The following MYT1 variants were observed in gnomAD, a reference collection of about 807,000 sequenced individuals.
The protein encoded by MYT1 is myelin transcription factor 1, also known as myelin transcription factor I.
A neutral mutation model predicts 123.0 loss-of-function variants in MYT1; 23 were observed. That is an observed-to-expected ratio of 0.19 (90% confidence interval 0.13 to 0.26). The LOEUF (loss-of-function observed/expected upper bound fraction) is 0.26. Ranked by LOEUF, MYT1 falls within the 10% of genes least tolerant of loss-of-function variation. The pLI is 1.00. For synonymous variants in MYT1, 518 were observed against 575.3 expected (o/e 0.90, Z 1.43); for missense variants, 1,125 against 1,472.5 (o/e 0.76, Z 3.86).
chr20:64,212,296 G>A lies in MYT1; in HGVS notation c.1517+158G>A, dbSNP rs1983702835. Among the ~76,000 whole-genome samples the A allele has an allele frequency of 6.6e-6, 1 of 151,978 alleles. No individual in the cohort carries two copies. Among genetic ancestry groups the A allele is most frequent in the African/African-American group, 2.4e-5 (1 of 41,364 alleles). ...ACGTGGGGTAGGGCACCTGGGTTGG[G>A]CCTGTGTGTCCCTGCCTGGGCCGTG... On this transcript the variant is annotated intron_variant, in intron 9 of 22. Coordinates refer to ENST00000328439, the MANE Select transcript of MYT1 (RefSeq NM_004535.3). This position sits in a 1 kb window ranked among gnomAD's most constrained non-coding sequence, Gnocchi z 6.8.
intron 2 of MYT1, among the ~76,000 whole-genome samples, chr20:64,197,627 C>A (rs574191921): frequency 1.3e-5 from 2 of 152,242 alleles, no homozygotes; most frequent in Non-Finnish European, 2.9e-5. Context: ...TGCCCTCCCC[C>A]GCCTGGTGTG....
chr20:64,205,040 C>A lies in MYT1; in HGVS notation c.92C>A (p.Pro31His). 1 of 1,614,006 alleles carries A rather than the reference C, an allele frequency of 6.2e-7. No homozygotes were observed. The highest frequency in any genetic ancestry group is 8.5e-7 in the Non-Finnish European group (1 of 1,180,000). Residue 31 changes from proline to histidine, a missense_variant, in exon 5 of 23, where the codon CCC (proline) becomes CAC (histidine). By Grantham distance (77) the Pro-to-His change is moderately conservative (BLOSUM62 -2). Around this residue, in one of 4 missense-constraint regions of MYT1, gnomAD observed 406 missense variants for 432.2 expected, o/e 0.94. Transcript: ENST00000328439. The part of the protein sequence containing the change: ...PETTAADLSC[P>H]TPGCTGSGHV... ...GCCTTTTTATTTCCCCTCAGCTGCC[C>A]CACCCCAGGATGCACAGGCTCAGGG... is the stretch of plus-strand genomic sequence containing the variant.
chr20:64,241,354 G>T lies in MYT1; in HGVS notation c.*906G>T, dbSNP rs1179003809. ...TAAATTCCTAACAGGAGACCACAAA[G>T]GTTTCACTTCTTTTAGATCCATCCA... On this transcript the variant is annotated 3_prime_UTR_variant, in exon 23 of 23. Coordinates refer to ENST00000328439, the MANE Select transcript of MYT1 (RefSeq NM_004535.3). The surrounding 1 kb of genome is among the most constrained non-coding windows in gnomAD (Gnocchi z 4.2). 6.6e-6 allele frequency: 1 copy of T among 152,308 alleles called. No homozygotes were observed. The highest frequency in any genetic ancestry group is 2.4e-5 in the African/African-American group (1 of 41,412). 9.4% of individuals were successfully genotyped at this position (152,308 alleles called of 1,614,324 possible). A position where few individuals can be genotyped will look rare whatever the true frequency, so the allele number is the denominator to read the frequency against.
intron 16 of MYT1, among the ~76,000 whole-genome samples, chr20:64,227,132 G>A (rs35388986): frequency 0.053 from 8,004 of 152,338 alleles, 251 homozygotes; most frequent in Middle Eastern, 0.19. Flanking sequence ...GGTGTAAACC[G>A]ATGCTGGAGC....
In MYT1 at chr20:64,213,172, G is replaced by T. The variant is rs1461981839; in HGVS notation, c.1518-362G>T. ...CTGCAGAATCCAGCCCTGCAAGCTG[G>T]GAAGGGAGAGGAAGGGGGTGAGGGC... On this transcript the variant is annotated intron_variant, in intron 9 of 22. Transcript: ENST00000328439. The surrounding 1 kb of genome is among the most constrained non-coding windows in gnomAD (Gnocchi z 5.6). Among the ~76,000 whole-genome samples the T allele has an allele frequency of 6.6e-6, 1 of 152,134 alleles. No homozygotes were observed. The highest frequency in any genetic ancestry group is 6.5e-5 in the Admixed American group (1 of 15,274).
rs911056042 is a variant in MYT1, at chr20:64,196,069, C to T, written c.1-2793C>T. On this transcript the variant is annotated intron_variant, in intron 2 of 22. Coordinates refer to ENST00000328439, the MANE Select transcript of MYT1 (RefSeq NM_004535.3). The surrounding 1 kb of genome is among the most constrained non-coding windows in gnomAD (Gnocchi z 4.3). ...CAGCAGTAAGAGTGGGTGATGGGGT[C>T]GTTCTGCCTTTTCACTCTCAAGGGG... 6.6e-6 allele frequency among the ~76,000 whole-genome samples: 1 copy of T among 152,160 alleles called. No individual in the cohort carries two copies. Among genetic ancestry groups the T allele is most frequent in the African/African-American group, 2.4e-5 (1 of 41,422 alleles).
At chr20:64,197,077 C>T (rs922247618) in intron 2 of MYT1, among the ~76,000 whole-genome samples, 4 of 152,206 alleles carry the variant, frequency 2.6e-5, no homozygotes, top group Admixed American at 2.6e-4. Context: ...AGCCATTTGT[C>T]CATGGGGAAC....
intron 20 of MYT1, 92 bp downstream of exon 20, chr20:64,236,738 G>T: frequency 9.1e-7 from 1 of 1,104,748 alleles, no homozygotes; most frequent in Non-Finnish European, 1.4e-6. Flanking sequence ...AAGAAGGTTA[G>T]GGAGATGAAG....
chr20:64,212,397 G>A lies in MYT1; in HGVS notation c.1517+259G>A, dbSNP rs1983707787. On this transcript the variant is annotated intron_variant, in intron 9 of 22. Transcript: ENST00000328439. The surrounding 1 kb of genome is among the most constrained non-coding windows in gnomAD (Gnocchi z 6.8). ...TACCCTTCTCCCAGCCTGCCGCCCTGAGGAGTGGGTACAAGGTCAGGGCAC... is the reference window on the plus strand; with the variant it reads ...TACCCTTCTCCCAGCCTGCCGCCCTAAGGAGTGGGTACAAGGTCAGGGCAC... 6.6e-6 allele frequency among the ~76,000 whole-genome samples: 1 copy of A among 152,184 alleles called. No homozygotes were observed. The highest frequency in any genetic ancestry group is 6.5e-5 in the Admixed American group (1 of 15,284).
intron 1 of MYT1, among the ~76,000 whole-genome samples, chr20:64,181,542 C>T (rs537623578): frequency 6.6e-6 from 1 of 152,340 alleles, no homozygotes; most frequent in East Asian, 1.9e-4. Context: ...CAAACAAGTC[C>T]TCCTGTCACT....
intron 13 of MYT1, among the ~76,000 whole-genome samples, chr20:64,220,784 GT>G (rs1461030826): frequency 1.4e-5 from 2 of 140,612 alleles, no homozygotes; most frequent in Admixed American, 7.1e-5. Context: ...AATGAGGGGG[GT>G]GGGGCTAGGC....
intron 2 of MYT1, among the ~76,000 whole-genome samples, chr20:64,197,815 A>G (rs937774753): frequency 2.0e-5 from 3 of 152,168 alleles, no homozygotes; most frequent in African/African-American, 7.2e-5. Flanking sequence ...TCGCCGGACA[A>G]TGCTGTGGGC....
chr20:64,197,675 G>A (rs923255310), intron 2 of MYT1, among the ~76,000 whole-genome samples: 3 of 152,182 alleles, frequency 2.0e-5, no homozygotes, highest in African/African-American at 7.2e-5. Context: ...CATGGAGTGT[G>A]TAGGATTTAC....
rs1289070977 is a variant in MYT1 at position 64,189,828 on chromosome 20, G to T, written c.-98-235G>T. ...CACCTAGAGCTGGGACAACAGTGCAGGGGACTGCAGGAAGACTCCAGGGAG... is the reference window on the plus strand; with the variant it reads ...CACCTAGAGCTGGGACAACAGTGCATGGGACTGCAGGAAGACTCCAGGGAG... On this transcript the variant is annotated intron_variant, in intron 1 of 22. Transcript: ENST00000328439. The surrounding 1 kb of genome is among the most constrained non-coding windows in gnomAD (Gnocchi z 5.5). Among the ~76,000 whole-genome samples, 2 of 152,192 alleles carry T rather than the reference G, an allele frequency of 1.3e-5. No individual in the cohort carries two copies. Among genetic ancestry groups the T allele is most frequent in the African/African-American group, 2.4e-5 (1 of 41,442 alleles).
intron 1 of MYT1, among the ~76,000 whole-genome samples, chr20:64,182,941 T>A (rs1356456322): frequency 6.6e-6 from 1 of 152,222 alleles, no homozygotes; most frequent in African/African-American, 2.4e-5. Context: ...ATTCAGTGGT[T>A]TTAGCGTACG....
At position 64,190,534 on chromosome 20, in the gene MYT1, C is replaced by T. The variant is rs887756535; in HGVS notation, c.-1+374C>T. On this transcript the variant is annotated intron_variant, in intron 2 of 22. Transcript: ENST00000328439. This position sits in a 1 kb window ranked among gnomAD's most constrained non-coding sequence, Gnocchi z 4.1. ...ACTAAAAACACAAAAATTAGCCGGG[C>T]ATGGTGGCATGCGCCTGTAATCCCA... 6.8e-6 allele frequency among the ~76,000 whole-genome samples: 1 copy of T among 147,496 alleles called. No individual in the cohort carries two copies. Among genetic ancestry groups the T allele is most frequent in the Non-Finnish European group, 1.5e-5 (1 of 67,470 alleles).
intron 18 of MYT1, 144 bp downstream of exon 18, chr20:64,228,115 T>C: frequency 4.0e-6 from 3 of 744,574 alleles, no homozygotes; most frequent in Non-Finnish European, 4.5e-6. Flanking sequence ...TTCGTTTCTT[T>C]CATTTTTATG....
chr20:64,211,741 A>G (rs746032371), intron 8 of MYT1, among the ~76,000 whole-genome samples: 2 of 152,244 alleles, frequency 1.3e-5, no homozygotes, highest in Non-Finnish European at 2.9e-5. Flanking sequence ...TGTGAAAATT[A>G]AATTTAAAGG....
At chr20:64,239,691 GC>G in intron 21 of MYT1, 68 bp from the exon 22 acceptor site, 1 of 1,600,190 alleles carries the variant, frequency 6.2e-7, no homozygotes, top group South Asian at 1.1e-5. Context: ...GTGAGAGGCA[GC>G]CCAGAGAGGA....
Sources: gnomAD v4.1 joint callset for allele counts (sites outside exome capture counted in the v4.1 genomes callset) on GRCh38, gnomAD v4.1.1 for gene constraint, gnomAD v4.1.1 regional missense constraint, Gnocchi (gnomAD v3.1) non-coding constraint, MANE v1.5 for transcripts, NCBI Gene and HGNC (gene_info 2026-07-23, HGNC 2026-07-21) for gene names.